The following CSMD1 variants were observed in gnomAD, a reference collection of about 807,000 sequenced individuals.
The protein encoded by CSMD1 is CUB and Sushi multiple domains 1, also known as CUB and sushi domain-containing protein 1.
CSMD1 carries 213 observed loss-of-function variants against 417.5 expected under a neutral mutation model. That is an observed-to-expected ratio of 0.51 (90% CI 0.46 to 0.57). The LOEUF is 0.57. Among genes scored for constraint, CSMD1 ranks in the 20% least tolerant of loss-of-function variants. CSMD1 has a pLI of 0.00. For synonymous variants in CSMD1, 2,862 were observed against 1,736.8 expected (o/e 1.65, Z -16.11); for missense variants, 6,923 against 4,529.7 (o/e 1.53, Z -15.17).
At chr8:3,066,798 C>T (rs13279232) in intron 49 of CSMD1, among the ~76,000 whole-genome samples, 1 of 152,152 alleles carries the variant, frequency 6.6e-6, no homozygotes, top group Non-Finnish European at 1.5e-5. Flanking sequence ...AAATTGGAAA[C>T]TCTTATTTAA....
At chr8:4,258,264 T>C (rs909107775) in intron 3 of CSMD1, among the ~76,000 whole-genome samples, 1 of 136,902 alleles carries the variant, frequency 7.3e-6, no homozygotes, top group African/African-American at 2.8e-5. Context: ...CTTAAAGGCC[T>C]GTCGCTGTGA....
chr8:3,950,207 T>C (rs1376223243), intron 5 of CSMD1, among the ~76,000 whole-genome samples: 1 of 152,184 alleles, frequency 6.6e-6, no homozygotes, highest in African/African-American at 2.4e-5. Flanking sequence ...CAATACTGAC[T>C]GTGAAGTTTC....
At chr8:4,206,777 A>T (rs1440045525) in intron 3 of CSMD1, among the ~76,000 whole-genome samples, 2 of 152,142 alleles carry the variant, frequency 1.3e-5, no homozygotes, top group African/African-American at 2.4e-5. Context: ...CATTTCTTTA[A>T]ATGGTAGTTG....
chr8:4,061,547 C>T (rs1277993517), intron 3 of CSMD1, among the ~76,000 whole-genome samples: 2 of 152,106 alleles, frequency 1.3e-5, no homozygotes, highest in African/African-American at 2.4e-5. Context: ...AGAAAGCCTA[C>T]AGAATAATAA....
At chr8:4,179,121 T>A (rs1383263204) in intron 3 of CSMD1, among the ~76,000 whole-genome samples, 1 of 152,206 alleles carries the variant, frequency 6.6e-6, no homozygotes, top group African/African-American at 2.4e-5. Context: ...CATCGCCAAG[T>A]CAATCCTAAG....
At chr8:3,192,904 G>C (rs910319674) in intron 33 of CSMD1, among the ~76,000 whole-genome samples, 4 of 150,786 alleles carry the variant, frequency 2.7e-5, no homozygotes, top group African/African-American at 9.7e-5. Context: ...TTGCATGCTT[G>C]AGTATTTTAT....
chr8:3,208,817 T>C (rs1585660883), intron 30 of CSMD1, among the ~76,000 whole-genome samples: 1 of 152,296 alleles, frequency 6.6e-6, no homozygotes, highest in East Asian at 1.9e-4. Context: ...CTTTCTCCTG[T>C]GCTGGATGCT....
chr8:3,422,574 GA>G (rs1813562775), intron 12 of CSMD1, among the ~76,000 whole-genome samples: 1 of 152,034 alleles, frequency 6.6e-6, no homozygotes, highest in Non-Finnish European at 1.5e-5. Flanking sequence ...AGTAAATTTT[GA>G]AAAAGAGCAT....
At chr8:3,131,087 T>A (rs1184889158) in intron 41 of CSMD1, among the ~76,000 whole-genome samples, 1 of 150,296 alleles carries the variant, frequency 6.7e-6, no homozygotes, top group Non-Finnish European at 1.5e-5. Flanking sequence ...CTCAAACTAA[T>A]GTCTTACTGT....
At chr8:4,211,281 C>T (rs1585030718) in intron 3 of CSMD1, among the ~76,000 whole-genome samples, 1 of 151,966 alleles carries the variant, frequency 6.6e-6, no homozygotes, top group African/African-American at 2.4e-5. Flanking sequence ...AAGATTGATC[C>T]CTTTTCTTTG....
rs537311698 is a variant in CSMD1 at position 4,465,088 on chromosome 8, G to A, written c.303-45023C>T. Among the ~76,000 whole-genome samples the A allele has an allele frequency of 7.2e-5, 11 of 152,190 alleles. No individual in the cohort carries two copies. In the South Asian group the frequency reaches 8.3e-4, roughly 11 times the overall value. On this transcript the variant is annotated intron_variant, in intron 2 of 69. Coordinates refer to ENST00000635120, the MANE Select transcript of CSMD1 (RefSeq NM_033225.6). Reference sequence around the variant, plus strand: ...AGACTCAGTTTACCTGAAACGGAACGGTTTTCACTGGGAGACACTAACAGT... The same window carrying A: ...AGACTCAGTTTACCTGAAACGGAACAGTTTTCACTGGGAGACACTAACAGT...
chr8:4,324,709 C>T (rs1321958473), intron 3 of CSMD1, among the ~76,000 whole-genome samples: 1 of 152,204 alleles, frequency 6.6e-6, no homozygotes, highest in Admixed American at 6.5e-5. Context: ...CCCTGTTTTC[C>T]ATAAGGTGTT....
At chr8:3,612,268 A>G (rs7005214) in intron 8 of CSMD1, among the ~76,000 whole-genome samples, 34,711 of 151,974 alleles carry the variant, frequency 0.23, 4,125 homozygotes, top group Admixed American at 0.27. Context: ...AATTTTAAAC[A>G]TTTGCGTACC....
chr8:4,161,897 C>G (rs1170608890), intron 3 of CSMD1, among the ~76,000 whole-genome samples: 3 of 152,096 alleles, frequency 2.0e-5, no homozygotes, highest in African/African-American at 7.2e-5. Flanking sequence ...TTCAGTAAGT[C>G]AAGACTTCAT....
chr8:4,783,370 A>G (rs942367339), intron 1 of CSMD1, among the ~76,000 whole-genome samples: 2 of 152,166 alleles, frequency 1.3e-5, no homozygotes, highest in Non-Finnish European at 2.9e-5. Context: ...GCTGGGAGAG[A>G]GCTGTACAGT....
At chr8:3,751,308 G>A (rs1245363990) in intron 6 of CSMD1, among the ~76,000 whole-genome samples, 1 of 145,180 alleles carries the variant, frequency 6.9e-6, no homozygotes, top group Non-Finnish European at 1.5e-5. Flanking sequence ...AAGTGTGTGT[G>A]TGTGTGTGTG....
rs564276264 is a variant in CSMD1 at position 4,939,962 on chromosome 8, G to C, written c.85+54370C>G. On this transcript the variant is annotated intron_variant, in intron 1 of 69. Coordinates refer to ENST00000635120, the MANE Select transcript of CSMD1 (RefSeq NM_033225.6). ...AAAATATAAATTTAAAAAAAGATTG[G>C]GAAAACTTGAAAAATCTTCAGAGTA... Among the ~76,000 whole-genome samples, 18 of 152,202 alleles carry C rather than the reference G, an allele frequency of 1.2e-4. No individual in the cohort carries two copies. In the South Asian group the frequency reaches 3.7e-3, roughly 32 times the overall value.
At chr8:4,717,190 G>A (rs1808711339) in intron 1 of CSMD1, among the ~76,000 whole-genome samples, 1 of 151,504 alleles carries the variant, frequency 6.6e-6, no homozygotes, top group Non-Finnish European at 1.5e-5. Context: ...AGAAAAATTT[G>A]ATGAGGAGTA....
chr8:3,253,258 CT>C (rs1481697303), intron 26 of CSMD1, among the ~76,000 whole-genome samples: 5 of 152,084 alleles, frequency 3.3e-5, no homozygotes, highest in Admixed American at 6.5e-5. Flanking sequence ...CAAAGAACAT[CT>C]TTATTTCTGC....
Sources: allele counts gnomAD v4.1 joint callset (sites outside exome capture counted in the v4.1 genomes callset), GRCh38; gene constraint gnomAD v4.1.1; transcripts MANE v1.5; gene names NCBI Gene and HGNC (gene_info 2026-07-23, HGNC 2026-07-21).